The following DNMT1 variants were observed in gnomAD, a reference collection of about 807,000 sequenced individuals.
DNMT1 encodes the protein DNA (cytosine-5)-methyltransferase 1.
In DNMT1, 24 loss-of-function variants were observed where a neutral mutation model predicts 205.3. The ratio of observed to expected loss-of-function variants is 0.12; its 90% CI spans 0.08 to 0.16. DNMT1 has a LOEUF of 0.16. Among genes scored for constraint, DNMT1 ranks in the 10% least tolerant of loss-of-function variants. The pLI is 1.00. For missense variants in DNMT1, 1,293 were observed against 2,177.7 expected, an observed-to-expected ratio of 0.59 and a Z score of 8.09; for synonymous variants, 817 against 839.8, an observed-to-expected ratio of 0.97 and a Z score of 0.47.
In DNMT1 at chr19:10,133,569, C is replaced by T; in HGVS notation, c.*98G>A. 5 of 1,408,264 alleles carry T rather than the reference C, an allele frequency of 3.6e-6. No individual in the cohort carries two copies. The highest frequency in any genetic ancestry group is 4.9e-6 in the Non-Finnish European group (5 of 1,017,800). 87.2% of individuals were successfully genotyped at this position (1,408,264 alleles called of 1,614,324 possible). The stretch of plus-strand genomic sequence containing the variant: ...CAGCCAAGGCCACAAACACCATGTA[C>T]CACACATGTGAACGGACAGATTGAC... On this transcript the variant is annotated 3_prime_UTR_variant, in exon 41 of 41. Coordinates refer to ENST00000359526, the MANE Select transcript of DNMT1 (RefSeq NM_001130823.3). The surrounding 1 kb of genome is among the most constrained non-coding windows in gnomAD (Gnocchi z 4.1).
chr19:10,193,743 A>G (rs2039346895), intron 1 of DNMT1, among the ~76,000 whole-genome samples: 1 of 152,108 alleles, frequency 6.6e-6, no homozygotes, highest in Non-Finnish European at 1.5e-5. Flanking sequence ...CCCAAATCAG[A>G]ACCGGACTGG....
In DNMT1 at chr19:10,133,855, C is replaced by T. The variant is rs10423673; in HGVS notation, c.4865-154G>A. On this transcript the variant is annotated intron_variant, in intron 40 of 40. Coordinates refer to ENST00000359526, the MANE Select transcript of DNMT1 (RefSeq NM_001130823.3). This position sits in a 1 kb window ranked among gnomAD's most constrained non-coding sequence, Gnocchi z 4.1. ...TGGCAGAGTGCTAAGGGAACGTTCA[C>T]GGAGACTGAACACTCCTCAAACGGT... 0.015 allele frequency among the ~76,000 whole-genome samples: 2,359 copies of T among 152,290 alleles called. 70 individuals carry two copies. Among genetic ancestry groups the T allele is most frequent in the African/African-American group, 0.054 (2,252 of 41,544 alleles).
At position 10,133,944 on chromosome 19, in the gene DNMT1, A is replaced by C. The variant is rs931767287; in HGVS notation, c.4865-243T>G. Among the ~76,000 whole-genome samples the C allele has an allele frequency of 2.6e-5, 4 of 152,224 alleles. No homozygotes were observed. Among genetic ancestry groups the C allele is most frequent in the African/African-American group, 9.6e-5 (4 of 41,454 alleles). Reference sequence around the variant, plus strand: ...CTGAGGCAGGTGCCTGCTGAGCCAAATTCACCGAGCAGGAGTGAGGGAAAC... The same window carrying C: ...CTGAGGCAGGTGCCTGCTGAGCCAACTTCACCGAGCAGGAGTGAGGGAAAC... On this transcript the variant is annotated intron_variant, in intron 40 of 40. Transcript: ENST00000359526. This position sits in a 1 kb window ranked among gnomAD's most constrained non-coding sequence, Gnocchi z 4.1.
rs760812647 is a variant in DNMT1 at position 10,151,391 on chromosome 19, G to C, written c.2265+7C>G. The C allele has an allele frequency of 6.2e-7, 1 of 1,612,544 alleles. No homozygotes were observed. The highest frequency in any genetic ancestry group is 8.5e-7 in the Non-Finnish European group (1 of 1,180,002). On this transcript the variant is annotated splice_region_variant and intron_variant, in intron 24 of 40. Coordinates refer to ENST00000359526, the MANE Select transcript of DNMT1 (RefSeq NM_001130823.3). This position sits in a 1 kb window ranked among gnomAD's most constrained non-coding sequence, Gnocchi z 5.0. Reference sequence around the variant, plus strand: ...CAGTGAGCTGACCAAGGGGCTCCAAGGGTTACCTTGACGGCTTCTCCGACC... The same window carrying C: ...CAGTGAGCTGACCAAGGGGCTCCAACGGTTACCTTGACGGCTTCTCCGACC...
rs1362626891 is a variant in DNMT1 at position 10,143,976 on chromosome 19, G to C, written c.2906C>G (p.Ser969Cys). Residue 969 changes from serine to cysteine, a missense_variant, in exon 29 of 41, where the codon TCC (serine) becomes TGC (cysteine). Physicochemically the swap from Ser to Cys is moderately radical, Grantham distance 112. Around this residue, in one of 13 missense-constraint regions of DNMT1, gnomAD observed 167 missense variants for 258.1 expected, o/e 0.65. Coordinates refer to ENST00000359526, the MANE Select transcript of DNMT1 (RefSeq NM_001130823.3). Reference sequence around the variant, plus strand: ...CTTCCGTGGGCGTTTCACGGGACTGGACAGCTTGATGCTGCAGAGAAGCAC... The same window carrying C: ...CTTCCGTGGGCGTTTCACGGGACTGCACAGCTTGATGCTGCAGAGAAGCAC... ...PEAFTFNIKL[S>C]SPVKRPRKEP... is the part of the protein sequence containing the mutation. The C allele has an allele frequency of 1.2e-6, 2 of 1,613,858 alleles. No homozygotes were observed. Among genetic ancestry groups the C allele is most frequent in the South Asian group, 2.2e-5 (2 of 91,056 alleles).
intron 30 of DNMT1, 125 bp downstream of exon 30, chr19:10,141,903 C>T (rs2089607837): frequency 8.4e-7 from 1 of 1,197,010 alleles, no homozygotes; most frequent in South Asian, 1.5e-5. Flanking sequence ...TCACGTCAGC[C>T]AACCACCCAC....
chr19:10,194,233 G>C (rs757934414), intron 1 of DNMT1, among the ~76,000 whole-genome samples: 14 of 152,230 alleles, frequency 9.2e-5, no homozygotes, highest in Non-Finnish European at 1.8e-4. Flanking sequence ...CCAACTGACA[G>C]AATGAGTACC....
intron 1 of DNMT1, among the ~76,000 whole-genome samples, chr19:10,185,600 GA>G (rs2039162730): frequency 6.6e-6 from 1 of 152,062 alleles, no homozygotes; most frequent in Non-Finnish European, 1.5e-5. Context: ...GCCAAGGCAG[GA>G]GGATCACTTG....
chr19:10,178,235 A>G (rs1425469062), intron 5 of DNMT1, among the ~76,000 whole-genome samples: 3 of 151,850 alleles, frequency 2.0e-5, no homozygotes, highest in African/African-American at 7.3e-5. Context: ...CCAGCCTGGC[A>G]ACAGAGTAAG....
At position 10,166,610 on chromosome 19, in the gene DNMT1, A is replaced by C; in HGVS notation, c.879T>G (p.Asp293Glu). ...RAGVQADEDE[D>E]GDEKDEKKHR... is the part of the protein sequence containing the mutation. ...AACCCGCCTTTACTTTCTCGTCTCC[A>C]TCTTCGTCCTCGTCAGCCTGCACGC... The change falls in exon 11 of 41, where the codon GAT becomes GAG. Residue 293 changes from aspartate (D) to glutamate (E), a missense_variant. Physicochemically the swap from Asp to Glu is conservative, Grantham distance 45. This residue lies in a region of DNMT1 where 394 missense variants were observed against 451.6 expected (regional missense o/e 0.87). Transcript: ENST00000359526. 1 of 1,614,158 alleles carries C rather than the reference A, an allele frequency of 6.2e-7. No individual in the cohort carries two copies. Among genetic ancestry groups the C allele is most frequent in the Non-Finnish European group, 8.5e-7 (1 of 1,180,002 alleles).
chr19:10,148,763 C>T (rs764730947), intron 27 of DNMT1, 121 bp downstream of exon 27: 300 of 1,560,406 alleles, frequency 1.9e-4, no homozygotes, highest in Non-Finnish European at 2.4e-4. Context: ...TGGCCTTTGA[C>T]GAGCAAGAGA....
chr19:10,187,507 G>A (rs182680227), intron 1 of DNMT1, among the ~76,000 whole-genome samples: 12 of 152,058 alleles, frequency 7.9e-5, no homozygotes, highest in East Asian at 7.7e-4. Context: ...AGGCAGAGGC[G>A]GGAGGATCAC....
Position 10,136,301 on chromosome 19 carries a change from C to G in DNMT1, c.4490-14G>C. On this transcript the variant is annotated splice_polypyrimidine_tract_variant and intron_variant, in intron 37 of 40. Transcript: ENST00000359526. ...AGGCTTTGCCGGCTGGAAGACAGGA[C>G]AGTGATGAGGCTGCAGTTGTGGGAT... 1 of 1,613,454 alleles carries G rather than the reference C, an allele frequency of 6.2e-7. No individual in the cohort carries two copies. Among genetic ancestry groups the G allele is most frequent in the South Asian group, 1.1e-5 (1 of 91,024 alleles).
chr19:10,169,009 T>C (rs1348261908), intron 9 of DNMT1, among the ~76,000 whole-genome samples: 1 of 152,118 alleles, frequency 6.6e-6, no homozygotes, highest in Non-Finnish European at 1.5e-5. Flanking sequence ...AGCTAATTTT[T>C]GTATTTTTAG....
chr19:10,143,713 G>A (rs1386611801), intron 29 of DNMT1, 53 bp downstream of exon 29: 1 of 1,597,838 alleles, frequency 6.3e-7, no homozygotes, highest in Non-Finnish European at 8.6e-7. Context: ...GTTTCAGGCA[G>A]AGCCTTCTAG....
chr19:10,167,866 C>A (rs1274941910), intron 10 of DNMT1, among the ~76,000 whole-genome samples: 1 of 151,938 alleles, frequency 6.6e-6, no homozygotes, highest in African/African-American at 2.4e-5. Context: ...AACTTCACCC[C>A]GTAATCCCAG....
rs527617405 is a variant in DNMT1 at position 10,180,904 on chromosome 19, T to A, written c.118-19A>T. 23 of 1,604,014 alleles carry A rather than the reference T, an allele frequency of 1.4e-5. No homozygotes were observed. The South Asian group carries it at 1.5e-4, about 11-fold the overall frequency. On this transcript the variant is annotated intron_variant, in intron 2 of 40. Transcript: ENST00000359526. ...CACATTCCTAAGGGAAGGATATAGG[T>A]TTAGCAGTACCCACATTCCCAAGCT... is the stretch of plus-strand genomic sequence containing the variant.
In DNMT1 at chr19:10,189,471, G is replaced by A. The variant is rs2145406221; in HGVS notation, c.80+5349C>T. On this transcript the variant is annotated intron_variant, in intron 1 of 40. Coordinates refer to ENST00000359526, the MANE Select transcript of DNMT1 (RefSeq NM_001130823.3). ...GTCTCACTCCTTCACCCAGGCTGGA[G>A]TGCAGTGGCACAATCATGGCAAACT... 2.0e-5 allele frequency among the ~76,000 whole-genome samples: 3 copies of A among 150,138 alleles called. No homozygotes were observed. The Middle Eastern group carries it at 0.01, about 514-fold the overall frequency.
intron 29 of DNMT1, among the ~76,000 whole-genome samples, chr19:10,143,196 C>A (rs917995216): frequency 6.6e-6 from 1 of 152,196 alleles, no homozygotes; most frequent in African/African-American, 2.4e-5. Context: ...TTGGGAGGTT[C>A]TCTGGGGGTG....
Sources: gnomAD v4.1 joint callset for allele counts (sites outside exome capture counted in the v4.1 genomes callset) on GRCh38, gnomAD v4.1.1 for gene constraint, gnomAD v4.1.1 regional missense constraint, Gnocchi (gnomAD v3.1) non-coding constraint, MANE v1.5 for transcripts, NCBI Gene and HGNC (gene_info 2026-07-23, HGNC 2026-07-21) for gene names.